ADGRL2: variants seen among roughly 807,000 people sequenced by gnomAD.
The protein encoded by ADGRL2 is calcium-independent alpha-latrotoxin receptor 2.
Under a neutral mutation model 157.4 loss-of-function variants are expected in ADGRL2, and 44 were observed. The ratio of observed to expected loss-of-function variants is 0.28; its 90% CI spans 0.22 to 0.36. The LOEUF is 0.36. Among genes scored for constraint, ADGRL2 ranks in the 10% least tolerant of loss-of-function variants. The pLI, the probability that ADGRL2 is intolerant of heterozygous loss-of-function variation, is 1.00. For synonymous variants in ADGRL2, 585 were observed against 624.7 expected, an observed-to-expected ratio of 0.94 and a Z score of 0.95; for missense variants, 1,510 against 1,768.9, an observed-to-expected ratio of 0.85 and a Z score of 2.63.
intron 2 of ADGRL2, among the ~76,000 whole-genome samples, chr1:81,859,344 A>C (rs968981950): frequency 6.6e-6 from 1 of 150,854 alleles, no homozygotes; most frequent in Admixed American, 6.6e-5. Context: ...TGAATATTGT[A>C]GTTTGTTTTG....
rs369521514 is a variant in ADGRL2 at position 81,950,342 on chromosome 1, C to T, written c.1364C>T (p.Ser455Phe). The change falls in exon 7 of 24, where the codon TCT becomes TTT. Residue 455 changes from serine (S) to phenylalanine (F), a missense_variant. Transcript: ENST00000686636. ...GGGACAAAACCACCTCCAGCAGTTT[C>T]TACAACCAAAATTCCACCTATAACA... ...SKGTKPPPAV[S>F]TTKIPPITNI... is the part of the protein sequence containing the mutation. 5.0e-6 allele frequency: 8 copies of T among 1,613,954 alleles called. No individual in the cohort carries two copies. The South Asian group carries it at 8.8e-5, about 18-fold the overall frequency.
intron 2 of ADGRL2, among the ~76,000 whole-genome samples, chr1:81,871,482 T>C (rs577044799): frequency 1.3e-5 from 2 of 152,314 alleles, no homozygotes; most frequent in East Asian, 1.9e-4. Flanking sequence ...ATGGTATTTC[T>C]AGTTCTAGAT....
intron 2 of ADGRL2, among the ~76,000 whole-genome samples, chr1:81,851,957 T>A (rs148039380): frequency 6.6e-6 from 1 of 151,978 alleles, no homozygotes; most frequent in Non-Finnish European, 1.5e-5. Flanking sequence ...GAGGAAAGCA[T>A]CTGACTTAGA....
Position 81,493,209 on chromosome 1 carries a change from G to A in ADGRL2, c.-248+48120G>A, listed in dbSNP as rs1047735683. On this transcript the variant is annotated intron_variant, in intron 2 of 24. Coordinates refer to the ADGRL2 transcript ENST00000370721. ...TATCAAACAAATGTACCCCACTCCC[G>A]CCCCACAGTAAAACTAAATGCAATA... Among the ~76,000 whole-genome samples the A allele has an allele frequency of 7.9e-5, 12 of 152,200 alleles. No homozygotes were observed. The South Asian group carries it at 2.3e-3, about 29-fold the overall frequency.
intron 2 of ADGRL2, among the ~76,000 whole-genome samples, chr1:81,865,022 T>G (rs558886466): frequency 3.3e-5 from 5 of 152,114 alleles, no homozygotes; most frequent in African/African-American, 9.6e-5. Context: ...AAAAAAACCT[T>G]ACGGCTTCCA....
rs1385778148 is a variant in ADGRL2, at chr1:81,863,806, C to T, written c.73+26749C>T. On this transcript the variant is annotated intron_variant, in intron 2 of 23. Coordinates refer to ENST00000686636, the MANE Select transcript of ADGRL2 (RefSeq NM_001366006.2). ...CTGCAGAAAGAGATTAAAGTCAATACATCTGACCCAAACTTACTGAATTAT... is the reference window on the plus strand; with the variant it reads ...CTGCAGAAAGAGATTAAAGTCAATATATCTGACCCAAACTTACTGAATTAT... Among the ~76,000 whole-genome samples the T allele has an allele frequency of 3.3e-5, 5 of 152,180 alleles. No individual in the cohort carries two copies. The South Asian group carries it at 8.3e-4, about 25-fold the overall frequency.
At chr1:81,405,036 A>G (rs7546121) in intron 1 of ADGRL2, among the ~76,000 whole-genome samples, 20,681 of 152,190 alleles carry the variant, frequency 0.14, 1,452 homozygotes, top group African/African-American at 0.18. Flanking sequence ...TAATACATAA[A>G]TTCATCTTTC....
Position 81,583,863 on chromosome 1 carries a change from A to C in ADGRL2, c.-143+2883A>C, listed in dbSNP as rs936408068. Among the ~76,000 whole-genome samples the C allele has an allele frequency of 3.4e-5, 5 of 147,510 alleles. No homozygotes were observed. In the South Asian group the frequency reaches 1.1e-3, roughly 31 times the overall value. On this transcript the variant is annotated intron_variant, in intron 3 of 24. Coordinates refer to the ADGRL2 transcript ENST00000370721. Reference sequence around the variant, plus strand: ...TTTCAAGCAACTTAGCTAAGAATCAAGTTATTCTCTTAACTTGACTTGCTT... The same window carrying C: ...TTTCAAGCAACTTAGCTAAGAATCACGTTATTCTCTTAACTTGACTTGCTT...
chr1:81,458,356 A>T (rs1358628585), intron 2 of ADGRL2, among the ~76,000 whole-genome samples: 1 of 151,982 alleles, frequency 6.6e-6, no homozygotes, highest in Non-Finnish European at 1.5e-5. Context: ...CATCACTGAA[A>T]CTCTATATGT....
intron 3 of ADGRL2, among the ~76,000 whole-genome samples, chr1:81,632,751 T>A (rs1217774281): frequency 7.2e-6 from 1 of 138,116 alleles, no homozygotes; most frequent in African/African-American, 2.9e-5. Context: ...AGAGACTCCG[T>A]CTCAAAAAAA....
intron 3 of ADGRL2, chr1:81,586,481 C>T (rs972300999): frequency 1.3e-5 from 2 of 151,978 alleles, no homozygotes; most frequent in Non-Finnish European, 2.9e-5. Context: ...TTTTTATTAT[C>T]GTTTTTACCT....
chr1:81,414,260 T>C (rs2076997226), intron 1 of ADGRL2: 1 of 152,192 alleles, frequency 6.6e-6, no homozygotes, highest in Non-Finnish European at 1.5e-5. Flanking sequence ...AGGACTGAAC[T>C]GGATGCTCTA....
At position 81,912,272 on chromosome 1, in the gene ADGRL2, A is replaced by G. The variant is rs897868905; in HGVS notation, c.287+5042A>G. Among the ~76,000 whole-genome samples, 7 of 151,782 alleles carry G rather than the reference A, an allele frequency of 4.6e-5. 1 individual carries two copies. Among genetic ancestry groups the G allele is most frequent in the Middle Eastern group, 3.2e-3 (1 of 314 alleles). On this transcript the variant is annotated intron_variant, in intron 3 of 23. Coordinates refer to ENST00000686636, the MANE Select transcript of ADGRL2 (RefSeq NM_001366006.2). Reference sequence around the variant, plus strand: ...TTTTCAGTAGAGATGGTGTTTCACCATATTGTCCAGGATGGTCTCGAACTC... The same window carrying G: ...TTTTCAGTAGAGATGGTGTTTCACCGTATTGTCCAGGATGGTCTCGAACTC...
chr1:81,404,428 T>C (rs765117159), intron 1 of ADGRL2, among the ~76,000 whole-genome samples: 1 of 152,328 alleles, frequency 6.6e-6, no homozygotes, highest in African/African-American at 2.4e-5. Context: ...TTTATCTTCA[T>C]AATAAATCTA....
chr1:81,727,585 A>G (rs952472822), intron 1 of ADGRL2, among the ~76,000 whole-genome samples: 4 of 152,014 alleles, frequency 2.6e-5, no homozygotes, highest in African/African-American at 9.7e-5. Context: ...GGCACGCGCC[A>G]CCATACCCAG....
chr1:81,670,247 T>C lies in ADGRL2; in HGVS notation c.-143+89267T>C, dbSNP rs372077486. Among the ~76,000 whole-genome samples, 3 of 152,216 alleles carry C rather than the reference T, an allele frequency of 2.0e-5. No homozygotes were observed. The South Asian group carries it at 6.2e-4, about 32-fold the overall frequency. ...TTCACGTGATTCTCCTTCCAGAGCT[T>C]GGAGAGACTCTTCTCTAAATTCTCA... On this transcript the variant is annotated intron_variant, in intron 3 of 24. Coordinates refer to the ADGRL2 transcript ENST00000370721.
At chr1:81,324,407 G>T (rs1322539803) in intron 1 of ADGRL2, among the ~76,000 whole-genome samples, 1 of 151,406 alleles carries the variant, frequency 6.6e-6, no homozygotes, top group Admixed American at 6.6e-5. Flanking sequence ...TATTCGGAAA[G>T]CTGAGGCAGG....
chr1:81,802,422 C>T (rs942006763), intron 1 of ADGRL2, among the ~76,000 whole-genome samples: 1 of 152,068 alleles, frequency 6.6e-6, no homozygotes, highest in Non-Finnish European at 1.5e-5. Flanking sequence ...CCCCCAATCT[C>T]CTCTTGGAAA....
intron 3 of ADGRL2, among the ~76,000 whole-genome samples, chr1:81,662,523 C>A (rs988382916): frequency 2.0e-5 from 3 of 151,210 alleles, no homozygotes; most frequent in African/African-American, 4.9e-5. Context: ...GGATTACAGG[C>A]GTGAGCCATG....
Sources: allele counts gnomAD v4.1 joint callset (sites outside exome capture counted in the v4.1 genomes callset), GRCh38; gene constraint gnomAD v4.1.1; transcripts MANE v1.5; gene names NCBI Gene and HGNC (gene_info 2026-07-23, HGNC 2026-07-21).